TARBP1: variants seen among roughly 807,000 people sequenced by gnomAD.
TARBP1 encodes tRNA (guanosine(18)-2'-O)-methyltransferase TARBP1.
In TARBP1, 144 loss-of-function variants were observed where a neutral mutation model predicts 178.6. That is an observed-to-expected ratio of 0.81 (90% confidence interval 0.70 to 0.93). The LOEUF is 0.93. Among genes scored for constraint, TARBP1 ranks in the 40% least tolerant of loss-of-function variants. TARBP1 has a pLI of 0.00. For synonymous variants in TARBP1, 787 were observed against 781.0 expected, an observed-to-expected ratio of 1.01 and a Z score of -0.13; for missense variants, 2,067 against 2,011.7, an observed-to-expected ratio of 1.03 and a Z score of -0.53.
intron 1 of TARBP1, among the ~76,000 whole-genome samples, chr1:234,474,887 G>C (rs570768032): frequency 6.6e-6 from 1 of 152,200 alleles, no homozygotes; most frequent in Admixed American, 6.5e-5. Context: ...TGCGGTGGGT[G>C]GGGGGAGCAT....
chr1:234,406,565 G>A (rs1415641165), intron 23 of TARBP1: 3 of 165,446 alleles, frequency 1.8e-5, no homozygotes, highest in Admixed American at 1.7e-4. Context: ...CCTCACTACT[G>A]ATTTCTGAGC....
intron 2 of TARBP1, among the ~76,000 whole-genome samples, chr1:234,472,351 A>AC (rs1669147545): frequency 6.9e-6 from 1 of 145,406 alleles, no homozygotes; most frequent in Non-Finnish European, 1.5e-5. Context: ...AAAAAAAAAA[A>AC]AAAAAACTCA....
intron 9 of TARBP1, among the ~76,000 whole-genome samples, chr1:234,454,348 T>G (rs1667080384): frequency 6.6e-6 from 1 of 152,222 alleles, no homozygotes; most frequent in Non-Finnish European, 1.5e-5. Flanking sequence ...TTTTTAGGTG[T>G]GATAAAGGCT....
At chr1:234,414,563 CAGA>C (rs530401238) in intron 22 of TARBP1, among the ~76,000 whole-genome samples, 91 of 152,282 alleles carry the variant, frequency 6.0e-4, no homozygotes, top group African/African-American at 1.9e-3. Context: ...ATGTGGCTGA[CAGA>C]AGAAGACAAA....
At chr1:234,469,669 A>G (rs547021861) in intron 3 of TARBP1, among the ~76,000 whole-genome samples, 3 of 152,392 alleles carry the variant, frequency 2.0e-5, no homozygotes, top group African/African-American at 7.2e-5. Context: ...TAAACACAAT[A>G]ATGTGGCATT....
At chr1:234,416,787 C>T (rs554659945) in intron 22 of TARBP1, among the ~76,000 whole-genome samples, 30 of 152,234 alleles carry the variant, frequency 2.0e-4, no homozygotes, top group African/African-American at 7.2e-4. Flanking sequence ...ATTTCAGGGC[C>T]AGATGCTGTT....
intron 1 of TARBP1, among the ~76,000 whole-genome samples, chr1:234,474,845 G>A (rs931942490): frequency 6.6e-5 from 10 of 152,310 alleles, no homozygotes; most frequent in East Asian, 1.9e-4. Flanking sequence ...AAAGAGGAAA[G>A]GCTGAAAAAT....
intron 17 of TARBP1, among the ~76,000 whole-genome samples, chr1:234,428,817 A>C (rs1235327617): frequency 6.6e-6 from 1 of 152,220 alleles, no homozygotes; most frequent in African/African-American, 2.4e-5. Flanking sequence ...AAGTGGTGGG[A>C]TCACAGGCAT....
intron 3 of TARBP1, among the ~76,000 whole-genome samples, chr1:234,469,060 C>CT (rs765324709): frequency 0.012 from 831 of 68,518 alleles, 6 homozygotes; most frequent in Non-Finnish European, 0.016. Context: ...CGGTTTTTGC[C>CT]TTTTTTTTTT....
intron 11 of TARBP1, among the ~76,000 whole-genome samples, chr1:234,447,277 T>C (rs781645978): frequency 2.6e-4 from 29 of 109,536 alleles, no homozygotes; most frequent in South Asian, 8.7e-4. Flanking sequence ...CCTGCTTCCA[T>C]AATACAAAAA....
At chr1:234,436,009 C>T (rs772499081) in intron 13 of TARBP1, among the ~76,000 whole-genome samples, 2 of 152,016 alleles carry the variant, frequency 1.3e-5, no homozygotes, top group African/African-American at 2.4e-5. Flanking sequence ...ACTAAACAAA[C>T]GTAACTTAAG....
At chr1:234,409,378 C>T (rs114820770) in intron 23 of TARBP1, among the ~76,000 whole-genome samples, 51 of 152,342 alleles carry the variant, frequency 3.3e-4, no homozygotes, top group African/African-American at 1.2e-3. Context: ...TTAGGCTATT[C>T]ATCTACCCCG....
At chr1:234,445,772 A>G (rs1666100709) in intron 12 of TARBP1, among the ~76,000 whole-genome samples, 1 of 152,176 alleles carries the variant, frequency 6.6e-6, no homozygotes, top group Admixed American at 6.5e-5. Context: ...GCATGTGAGC[A>G]CACAGGTGTT....
chr1:234,404,154 G>T (rs1326247971), intron 24 of TARBP1, among the ~76,000 whole-genome samples: 1 of 152,140 alleles, frequency 6.6e-6, no homozygotes, highest in Non-Finnish European at 1.5e-5. Context: ...TCAACAACCA[G>T]GATCGAAATG....
intron 10 of TARBP1, 102 bp from the exon 11 acceptor site, chr1:234,448,681 T>C: frequency 1.2e-6 from 1 of 848,370 alleles, no homozygotes; most frequent in Non-Finnish European, 1.9e-6. Flanking sequence ...TAATATTAAA[T>C]TATGAGAGAA....
rs371306936 is a variant in TARBP1, at chr1:234,391,579, A to G, written c.4864T>C (p.Ter1622ArgextTer15). Residue 1622 changes from the stop codon to arginine (R), a stop_lost, in exon 30 of 30, where the codon TGA (stop) becomes CGA (arginine). Transcript: ENST00000040877. ...QLLSHGDTKP* is the reference protein window; with the variant it reads ...QLLSHGDTKPR Reference sequence around the variant, plus strand: ...AGCAGTTCACTAAGGAAGGCACATCATGGCTTGGTATCTCCGTGCGAGAGC... The same window carrying G: ...AGCAGTTCACTAAGGAAGGCACATCGTGGCTTGGTATCTCCGTGCGAGAGC... 21 of 1,605,496 alleles carry G rather than the reference A, an allele frequency of 1.3e-5. No individual in the cohort carries two copies. The highest frequency in any genetic ancestry group is 1.7e-5 in the Non-Finnish European group (20 of 1,174,902).
chr1:234,459,399 G>C, intron 7 of TARBP1, 73 bp from the exon 8 acceptor site: 1 of 1,207,648 alleles, frequency 8.3e-7, no homozygotes, highest in Non-Finnish European at 1.2e-6. Context: ...TTATCAACAA[G>C]TTGATTTATA....
intron 9 of TARBP1, among the ~76,000 whole-genome samples, chr1:234,452,877 T>TAA (rs34827804): frequency 1.1e-3 from 155 of 143,454 alleles, no homozygotes; most frequent in Non-Finnish European, 1.6e-3. Context: ...TAGTAAGCAC[T>TAA]AAAAAAAAAA....
intron 1 of TARBP1, among the ~76,000 whole-genome samples, chr1:234,475,157 C>A (rs1195078247): frequency 6.6e-6 from 1 of 152,194 alleles, no homozygotes; most frequent in Non-Finnish European, 1.5e-5. Flanking sequence ...GTGGCCAGGG[C>A]AGGAGATCTT....
Sources: gnomAD v4.1 joint callset for allele counts (sites outside exome capture counted in the v4.1 genomes callset) on GRCh38, gnomAD v4.1.1 for gene constraint, MANE v1.5 for transcripts, NCBI Gene and HGNC (gene_info 2026-07-23, HGNC 2026-07-21) for gene names.